The following MDGA1 variants were observed in gnomAD, a reference collection of about 807,000 sequenced individuals.
MDGA1 encodes MAM domain-containing glycosylphosphatidylinositol anchor protein 1.
In MDGA1, 54 loss-of-function variants were observed where a neutral mutation model predicts 101.5. The observed-to-expected ratio is 0.53, with a 90% CI of 0.43 to 0.67. The LOEUF (loss-of-function observed/expected upper bound fraction) is 0.67. MDGA1 is among the 30% of genes least tolerant of loss of function. The probability of loss-of-function intolerance (pLI) is 0.00; values close to 1 mark genes in which losing one functional copy is unlikely to be tolerated. For synonymous variants in MDGA1, 533 were observed against 558.3 expected, an observed-to-expected ratio of 0.95 and a Z score of 0.64; for missense variants, 1,083 against 1,323.8, an observed-to-expected ratio of 0.82 and a Z score of 2.82.
At chr6:37,692,457 G>C (rs912219013) in intron 1 of MDGA1, among the ~76,000 whole-genome samples, 96 of 151,932 alleles carry the variant, frequency 6.3e-4, no homozygotes, top group Non-Finnish European at 8.4e-4. Flanking sequence ...GCAGGGACGT[G>C]GGGGCAGTGG....
rs1246232045 is a variant in MDGA1, at chr6:37,652,565, T to G, written c.983-225A>C. ...AAAGGTCACTGCAGAAAAGCAGTTT[T>G]GGTAATAACAGAATATACACTATGT... On this transcript the variant is annotated intron_variant, in intron 6 of 16. Transcript: ENST00000434837. The surrounding 1 kb of genome is among the most constrained non-coding windows in gnomAD (Gnocchi z 4.3). 2.0e-5 allele frequency among the ~76,000 whole-genome samples: 3 copies of G among 152,274 alleles called. No homozygotes were observed. The highest frequency in any genetic ancestry group is 4.4e-5 in the Non-Finnish European group (3 of 68,048).
At chr6:37,673,962 G>A (rs1761925111) in intron 1 of MDGA1, among the ~76,000 whole-genome samples, 1 of 152,068 alleles carries the variant, frequency 6.6e-6, no homozygotes, top group African/African-American at 2.4e-5. Context: ...CCCTCAAAGG[G>A]CACACACAAT....
chr6:37,652,035 C>G lies in MDGA1; in HGVS notation c.1288G>C (p.Glu430Gln), dbSNP rs957300427. The G allele has an allele frequency of 5.6e-6, 9 of 1,602,636 alleles. No homozygotes were observed. The Admixed American group carries it at 1.5e-4, about 27-fold the overall frequency. The change falls in exon 7 of 17, where the codon GAG becomes CAG. Residue 430 changes from glutamate (E) to glutamine (Q), a missense_variant. Glu to Gln is a conservative substitution (Grantham distance 29). This residue lies in a region of MDGA1 where 657 missense variants were observed against 771.4 expected (regional missense o/e 0.85). Coordinates refer to ENST00000434837, the MANE Select transcript of MDGA1 (RefSeq NM_153487.4). The surrounding 1 kb of genome is among the most constrained non-coding windows in gnomAD (Gnocchi z 4.3). ...PGAPVPDLSVEVNISSETVPP... is the reference protein window; with the variant it reads ...PGAPVPDLSVQVNISSETVPP... ...CCTGTCTCAGAGGAGATGTTGACCT[C>G]GACGCTGAGGTCGGGCACGGGTGCC...
chr6:37,648,704 G>A (rs1761278538), intron 9 of MDGA1: 1 of 546,462 alleles, frequency 1.8e-6, no homozygotes, highest in Non-Finnish European at 3.1e-6. Context: ...GGCCTTGGAA[G>A]GCGAAGGCCT....
Position 37,638,717 on chromosome 6 carries a change from T to C in MDGA1, c.2537-50A>G, listed in dbSNP as rs1475628891. The C allele has an allele frequency of 6.4e-7, 1 of 1,569,188 alleles. No homozygotes were observed. The highest frequency in any genetic ancestry group is 1.9e-5 in the Admixed American group (1 of 53,092). On this transcript the variant is annotated intron_variant, in intron 14 of 16. Coordinates refer to ENST00000434837, the MANE Select transcript of MDGA1 (RefSeq NM_153487.4). The surrounding 1 kb of genome is among the most constrained non-coding windows in gnomAD (Gnocchi z 4.8). ...GCAGTGAGATCTGGCCAGGGCACCC[T>C]CACCTTTCCACATTTACCAAGCCCT...
intron 2 of MDGA1, among the ~76,000 whole-genome samples, chr6:37,660,307 C>T (rs1761592849): frequency 6.6e-6 from 1 of 152,010 alleles, no homozygotes; most frequent in Non-Finnish European, 1.5e-5. Flanking sequence ...TGAGCCACTG[C>T]ACCTGGTCCT....
Position 37,650,099 on chromosome 6 carries a change from G to GT in MDGA1, c.1609+9dup. On this transcript the variant is annotated intron_variant, in intron 8 of 16. Transcript: ENST00000434837. Reference sequence around the variant, plus strand: ...CTGGGAAGGTAGTCCGGGTGGCGTGGTGGACTCACACTGCACGTTCAGCTG... The same window carrying GT: ...CTGGGAAGGTAGTCCGGGTGGCGTGGTTGGACTCACACTGCACGTTCAGCTG... 6.2e-7 allele frequency: 1 copy of GT among 1,611,118 alleles called. No individual in the cohort carries two copies. The highest frequency in any genetic ancestry group is 1.3e-5 in the African/African-American group (1 of 74,982).
chr6:37,688,401 T>A (rs912238626), intron 1 of MDGA1, among the ~76,000 whole-genome samples: 1 of 152,124 alleles, frequency 6.6e-6, no homozygotes, highest in African/African-American at 2.4e-5. Flanking sequence ...AATTAATGTA[T>A]CTCGGCTGAG....
intron 1 of MDGA1, among the ~76,000 whole-genome samples, chr6:37,669,067 C>T (rs1761816546): frequency 6.6e-6 from 1 of 152,050 alleles, no homozygotes; most frequent in African/African-American, 2.4e-5. Context: ...AGGCTGGTCT[C>T]GAACTCCTGA....
intron 1 of MDGA1, among the ~76,000 whole-genome samples, chr6:37,670,638 T>G (rs898605715): frequency 6.6e-6 from 1 of 152,228 alleles, no homozygotes; most frequent in African/African-American, 2.4e-5. Flanking sequence ...ATTCTATAAA[T>G]GATCCTGCAC....
chr6:37,692,037 G>T lies in MDGA1; in HGVS notation c.67+4708C>A, dbSNP rs548768885. The stretch of plus-strand genomic sequence containing the variant: ...TGCCTAGGGACACCGGGGTGGGTAC[G>T]TGGGAGCTGGAGGGAGGCTTGGAGT... On this transcript the variant is annotated intron_variant, in intron 1 of 16. Transcript: ENST00000434837. 1.7e-4 allele frequency among the ~76,000 whole-genome samples: 26 copies of T among 152,360 alleles called. No homozygotes were observed. The South Asian group carries it at 5.2e-3, about 30-fold the overall frequency.
rs1762439140 is a variant in MDGA1, at chr6:37,697,107, G to A, written c.-296C>T. The A allele has an allele frequency of 6.9e-6, 2 of 290,200 alleles. No homozygotes were observed. Among genetic ancestry groups the A allele is most frequent in the Non-Finnish European group, 1.3e-5 (2 of 158,758 alleles). 18.0% of individuals were successfully genotyped at this position (290,200 alleles called of 1,614,324 possible). A position where few individuals can be genotyped will look rare whatever the true frequency, so the allele number is the denominator to read the frequency against. ...ACCCGAGGAGCCCGGCCGCCGAGCC[G>A]CCCCGGGTACCCAGGGCCGTCCGCG... On this transcript the variant is annotated 5_prime_UTR_variant, in exon 1 of 17. Coordinates refer to ENST00000434837, the MANE Select transcript of MDGA1 (RefSeq NM_153487.4).
At chr6:37,664,249 C>T in intron 1 of MDGA1, 143 bp from the exon 2 acceptor site, 1 of 1,045,482 alleles carries the variant, frequency 9.6e-7, no homozygotes, top group Non-Finnish European at 1.4e-6. Flanking sequence ...CCACTGAGCC[C>T]AGGAAAGAAT....
At position 37,647,261 on chromosome 6, in the gene MDGA1, G is replaced by C. The variant is rs759097879; in HGVS notation, c.1958C>G (p.Ser653Cys). 2 of 1,570,874 alleles carry C rather than the reference G, an allele frequency of 1.3e-6. No individual in the cohort carries two copies. The highest frequency in any genetic ancestry group is 3.8e-5 in the Admixed American group (2 of 52,762). Residue 653 changes from serine (S) to cysteine (C), a missense_variant, in exon 10 of 17, where the codon TCC becomes TGC. Ser to Cys is a moderately radical substitution (Grantham distance 112). Coordinates refer to ENST00000434837, the MANE Select transcript of MDGA1 (RefSeq NM_153487.4). ...CTGCAGCACGTAGGAGTAGTTCTTGGACAGCTTGTGGCTGCGGGTGGGGTT... is the reference window on the plus strand; with the variant it reads ...CTGCAGCACGTAGGAGTAGTTCTTGCACAGCTTGTGGCTGCGGGTGGGGTT... Reference protein sequence around the residue: ...TPNPTRSHKLSKNYSYVLQWT... With the variant: ...TPNPTRSHKLCKNYSYVLQWT...
chr6:37,682,346 T>C (rs1457688728), intron 1 of MDGA1, among the ~76,000 whole-genome samples: 4 of 151,998 alleles, frequency 2.6e-5, no homozygotes, highest in Non-Finnish European at 4.4e-5. Flanking sequence ...TAGCTGGGCG[T>C]GGTGGCGGGT....
intron 2 of MDGA1, among the ~76,000 whole-genome samples, chr6:37,661,415 G>A (rs191610025): frequency 5.4e-4 from 82 of 152,334 alleles, no homozygotes; most frequent in African/African-American, 1.8e-3. Context: ...TGACCACTAA[G>A]TGGGCCATGA....
At chr6:37,640,554 T>G (rs967271968) in intron 14 of MDGA1, among the ~76,000 whole-genome samples, 13 of 152,142 alleles carry the variant, frequency 8.5e-5, no homozygotes, top group Admixed American at 5.9e-4. Flanking sequence ...TTGCCCAGGC[T>G]GGTCTAGAAC....
chr6:37,649,311 G>C (rs1455252345), intron 8 of MDGA1, 45 bp from the exon 9 acceptor site: 3 of 1,432,198 alleles, frequency 2.1e-6, no homozygotes, highest in Non-Finnish European at 2.7e-6. Context: ...CCCAGCGAGT[G>C]GGGCCTGAGG....
intron 8 of MDGA1, 195 bp downstream of exon 8, chr6:37,649,914 T>C (rs1761315782): frequency 1.4e-6 from 1 of 735,918 alleles, no homozygotes; most frequent in African/African-American, 1.7e-5. Context: ...AGATGGGAGA[T>C]ACTTGATGAA....
Sources: gnomAD v4.1 joint callset for allele counts (sites outside exome capture counted in the v4.1 genomes callset) on GRCh38, gnomAD v4.1.1 for gene constraint, gnomAD v4.1.1 regional missense constraint, Gnocchi (gnomAD v3.1) non-coding constraint, MANE v1.5 for transcripts, NCBI Gene and HGNC (gene_info 2026-07-23, HGNC 2026-07-21) for gene names.